The following UGGT1 variants were observed in gnomAD, a reference collection of about 807,000 sequenced individuals.
UGGT1 encodes the protein UDP-glucose glycoprotein glucosyltransferase 1, also known as UDP-glucose:glycoprotein glucosyltransferase 1.
A neutral mutation model predicts 203.9 loss-of-function variants in UGGT1; 107 were observed. That is an observed-to-expected ratio of 0.52 (90% CI 0.45 to 0.62). UGGT1 has a LOEUF of 0.62. UGGT1 is among the 20% of genes least tolerant of loss of function. UGGT1 has a pLI of 0.00. For synonymous variants in UGGT1, 628 were observed against 653.5 expected (o/e 0.96, Z 0.59); for missense variants, 1,673 against 1,867.2 (o/e 0.90, Z 1.92).
intron 13 of UGGT1, among the ~76,000 whole-genome samples, chr2:128,130,901 T>C (rs966374210): frequency 1.3e-5 from 2 of 152,136 alleles, no homozygotes; most frequent in Non-Finnish European, 2.9e-5. Flanking sequence ...GCTGGAACCA[T>C]AGGCATGCAC....
chr2:128,133,867 T>TAGAG (rs139896072), intron 14 of UGGT1, among the ~76,000 whole-genome samples: 2,328 of 149,978 alleles, frequency 0.016, 29 homozygotes, highest in African/African-American at 0.015. Context: ...TGCACTGCTT[T>TAGAG]AGAGAGAGAG....
At chr2:128,099,320 G>T (rs11894707) in intron 2 of UGGT1, among the ~76,000 whole-genome samples, 136,813 of 151,952 alleles carry the variant, frequency 0.9, 62,372 homozygotes, top group Non-Finnish European at 0.98. Flanking sequence ...ATTTTTGTAT[G>T]TTTTATAGAG....
chr2:128,115,269 A>G, intron 7 of UGGT1, 49 bp downstream of exon 7: 1 of 1,509,564 alleles, frequency 6.6e-7, no homozygotes, highest in Non-Finnish European at 9.2e-7. Flanking sequence ...ATATGAGTTA[A>G]AGGGGAGTTT....
At chr2:128,140,093 T>G (rs888593232) in intron 16 of UGGT1, 2 of 154,058 alleles carry the variant, frequency 1.3e-5, no homozygotes, top group African/African-American at 4.8e-5. Flanking sequence ...CAGGAGTCAG[T>G]GATCATAATA....
At chr2:128,144,436 A>G (rs977129740) in intron 17 of UGGT1, among the ~76,000 whole-genome samples, 13 of 152,236 alleles carry the variant, frequency 8.5e-5, no homozygotes, top group South Asian at 6.2e-4. Context: ...TACTGTTTGC[A>G]GACAAAACCA....
At position 128,191,870 on chromosome 2, in the gene UGGT1, CAAAA is replaced by C. The variant is rs1232616132; in HGVS notation, c.*2130_*2133del. 2.0e-5 allele frequency: 3 copies of C among 152,278 alleles called. No homozygotes were observed. The highest frequency in any genetic ancestry group is 4.4e-5 in the Non-Finnish European group (3 of 68,122). The allele number at this position is 152,278 out of a possible 1,614,324, so 9.4% of individuals were successfully genotyped here. A position where few individuals can be genotyped will look rare whatever the true frequency, so the allele number is the denominator to read the frequency against. On this transcript the variant is annotated 3_prime_UTR_variant, in exon 41 of 41. Coordinates refer to ENST00000259253, the MANE Select transcript of UGGT1 (RefSeq NM_020120.4). ...GACTCCATCTCAGAAAACAAACAAA[CAAAA>C]AGAAACTTTTGTTCAAGCTGCATCT...
At chr2:128,154,727 G>A (rs930144194) in intron 19 of UGGT1, among the ~76,000 whole-genome samples, 10 of 152,172 alleles carry the variant, frequency 6.6e-5, no homozygotes, top group African/African-American at 1.9e-4. Flanking sequence ...GGATGAGCAT[G>A]TGCACAGATG....
At position 128,179,144 on chromosome 2, in the gene UGGT1, G is replaced by A. The variant is rs193073875; in HGVS notation, c.3815+575G>A. 3.7e-3 allele frequency among the ~76,000 whole-genome samples: 560 copies of A among 151,552 alleles called. 2 individuals carry two copies. The highest frequency in any genetic ancestry group is 5.7e-3 in the Non-Finnish European group (383 of 67,652). On this transcript the variant is annotated intron_variant, in intron 34 of 40. Transcript: ENST00000259253. ...TCACTTTTCTCATTGCCAGGGCTCT[G>A]TTCACTCTTAATTTTTCACTACAGA... is the stretch of plus-strand genomic sequence containing the variant.
chr2:128,167,215 C>A (rs1448863682), intron 26 of UGGT1, among the ~76,000 whole-genome samples: 4 of 152,132 alleles, frequency 2.6e-5, no homozygotes, highest in African/African-American at 9.7e-5. Context: ...GGTAGCGAGT[C>A]CTGAGCAAAG....
At chr2:128,153,368 A>T (rs936016258) in intron 19 of UGGT1, among the ~76,000 whole-genome samples, 2 of 152,106 alleles carry the variant, frequency 1.3e-5, no homozygotes, top group Non-Finnish European at 2.9e-5. Context: ...ATAAAACTCA[A>T]CCTTTTAAAG....
chr2:128,175,952 C>G (rs948622855), intron 31 of UGGT1, among the ~76,000 whole-genome samples: 6 of 152,262 alleles, frequency 3.9e-5, no homozygotes, highest in Non-Finnish European at 5.9e-5. Flanking sequence ...GGGAAACATA[C>G]ATTTAATTTT....
rs932435684 is a variant in UGGT1, at chr2:128,104,492, A to T, written c.277+478A>T. 3.9e-4 allele frequency among the ~76,000 whole-genome samples: 60 copies of T among 152,076 alleles called. 3 individuals carry two copies. The highest frequency in any genetic ancestry group is 1.2e-4 in the Non-Finnish European group (8 of 68,008). On this transcript the variant is annotated intron_variant, in intron 3 of 40. Coordinates refer to ENST00000259253, the MANE Select transcript of UGGT1 (RefSeq NM_020120.4). The stretch of plus-strand genomic sequence containing the variant: ...ATCAAATGAATGATTATCCTGTAAA[A>T]CCTCATTTGCAGTTTTTATGATGTG...
At chr2:128,138,522 A>G (rs577834820) in intron 15 of UGGT1, among the ~76,000 whole-genome samples, 195 bp from the exon 16 acceptor site, 1 of 152,222 alleles carries the variant, frequency 6.6e-6, no homozygotes, top group Non-Finnish European at 1.5e-5. Context: ...TCTAAAAAAA[A>G]AAAAAACCTT....
intron 36 of UGGT1, 95 bp from the exon 37 acceptor site, chr2:128,182,035 C>T: frequency 1.6e-6 from 2 of 1,268,568 alleles, no homozygotes; most frequent in East Asian, 2.4e-5. Flanking sequence ...GAGCAGCCTT[C>T]CATGCTGCCT....
chr2:128,102,107 A>C (rs1687402049), intron 2 of UGGT1, among the ~76,000 whole-genome samples: 1 of 152,160 alleles, frequency 6.6e-6, no homozygotes, highest in East Asian at 1.9e-4. Flanking sequence ...GAATATTTTA[A>C]AGCAAATCCC....
intron 27 of UGGT1, 133 bp from the exon 28 acceptor site, chr2:128,171,072 A>G: frequency 2.5e-6 from 2 of 789,198 alleles, no homozygotes; most frequent in Non-Finnish European, 2.0e-6. Context: ...TGTGATTTCC[A>G]GAAGTTTCGC....
rs1300177123 is a variant in UGGT1, at chr2:128,156,563, T to TC, written c.2260+148_2260+149insC. On this transcript the variant is annotated intron_variant, in intron 21 of 40. Coordinates refer to ENST00000259253, the MANE Select transcript of UGGT1 (RefSeq NM_020120.4). The stretch of plus-strand genomic sequence containing the variant: ...CTATATCAATGTAGATAATTTTTTT[T>TC]TTTTTTTTTTTTGAGACAGAGTCTC... 31 of 592,940 alleles carry TC rather than the reference T, an allele frequency of 5.2e-5. No homozygotes were observed. The African/African-American group carries it at 5.5e-4, about 11-fold the overall frequency. 36.7% of individuals were successfully genotyped at this position (592,940 alleles called of 1,614,324 possible).
At position 128,164,812 on chromosome 2, in the gene UGGT1, G is replaced by A. The variant is rs781033546; in HGVS notation, c.2908G>A (p.Glu970Lys). ...TCCAAGAATCGAGTACCAGTTTTTT[G>A]AAGACAGACACAGGTATAGAATTAA... Reference protein sequence around the residue: ...GDPRIEYQFFEDRHSAIKLRP... With the variant: ...GDPRIEYQFFKDRHSAIKLRP... Residue 970 changes from glutamate (E) to lysine (K), a missense_variant, in exon 26 of 41, where the codon GAA becomes AAA. Glu to Lys is a moderately conservative substitution (Grantham distance 56). Around this residue, in one of 4 missense-constraint regions of UGGT1, gnomAD observed 1,073 missense variants for 1,078.7 expected, o/e 0.99. Transcript: ENST00000259253. 1 of 1,606,400 alleles carries A rather than the reference G, an allele frequency of 6.2e-7. No homozygotes were observed.
At chr2:128,100,580 ATTTTTT>A (rs1264351444) in intron 2 of UGGT1, among the ~76,000 whole-genome samples, 1 of 88,366 alleles carries the variant, frequency 1.1e-5, no homozygotes, top group Non-Finnish European at 2.5e-5. Flanking sequence ...CTAATTTTGT[ATTTTTT>A]TTTTTTTTTT....
Sources: allele counts gnomAD v4.1 joint callset (sites outside exome capture counted in the v4.1 genomes callset), GRCh38; gene constraint gnomAD v4.1.1; regional missense constraint gnomAD v4.1.1; transcripts MANE v1.5; gene names NCBI Gene and HGNC (gene_info 2026-07-23, HGNC 2026-07-21).